Variants in MTUS1 observed in about 807,000 individuals in gnomAD.
MTUS1 encodes the protein microtubule associated scaffold protein 1.
In MTUS1, 109 loss-of-function variants were observed where a neutral mutation model predicts 120.8. The observed-to-expected ratio is 0.90, with a 90% CI of 0.77 to 1.06. The LOEUF (loss-of-function observed/expected upper bound fraction) is 1.06. Among genes scored for constraint, MTUS1 ranks in the 50% least tolerant of loss-of-function variants. The pLI is 0.00. For synonymous variants in MTUS1, 737 were observed against 550.5 expected, an observed-to-expected ratio of 1.34 and a Z score of -4.74; for missense variants, 2,210 against 1,486.3, an observed-to-expected ratio of 1.49 and a Z score of -8.01.
At chr8:17,700,085 G>C (rs1172085196) in intron 6 of MTUS1, among the ~76,000 whole-genome samples, 3 of 152,118 alleles carry the variant, frequency 2.0e-5, no homozygotes, top group Admixed American at 6.5e-5. Flanking sequence ...GGAAAAGATA[G>C]GCATCACCAA....
chr8:17,796,059 C>A (rs1319989395), intron 1 of MTUS1, among the ~76,000 whole-genome samples: 1 of 152,046 alleles, frequency 6.6e-6, no homozygotes, highest in African/African-American at 2.4e-5. Flanking sequence ...AAGGAATTCT[C>A]CTGCCTCAGC....
intron 1 of MTUS1, among the ~76,000 whole-genome samples, chr8:17,794,472 C>T (rs1447403177): frequency 5.3e-5 from 8 of 152,126 alleles, no homozygotes; most frequent in Admixed American, 4.6e-4. Context: ...TATGTGGGGC[C>T]TAGATTGGGG....
intron 6 of MTUS1, chr8:17,709,046 A>C (rs1005885740): frequency 1.3e-5 from 2 of 152,178 alleles, no homozygotes; most frequent in African/African-American, 4.8e-5. Context: ...CTAAGGCAGG[A>C]GAACGGCGTG....
intron 8 of MTUS1, among the ~76,000 whole-genome samples, chr8:17,671,373 G>A (rs1197305372): frequency 6.6e-6 from 1 of 151,518 alleles, no homozygotes; most frequent in Non-Finnish European, 1.5e-5. Flanking sequence ...ATAGGAAACA[G>A]AAAAGAATCC....
chr8:17,692,303 C>G (rs1370746282), intron 6 of MTUS1: 2 of 152,160 alleles, frequency 1.3e-5, no homozygotes, highest in Non-Finnish European at 2.9e-5. Context: ...GAAGCTTAAG[C>G]GACCTGGCAC....
At position 17,756,543 on chromosome 8, in the gene MTUS1, G is replaced by GA. The variant is rs1226406628; in HGVS notation, c.-154-583_-154-582insT. On this transcript the variant is annotated intron_variant, in intron 1 of 14. Transcript: ENST00000693296. ...ACATATGCTATTTCCAAATTGAAGG[G>GA]GAAAAAAAAATTGTCGATTCTTAAA... Among the ~76,000 whole-genome samples, 92 of 150,590 alleles carry GA rather than the reference G, an allele frequency of 6.1e-4. 1 individual carries two copies. Among genetic ancestry groups the GA allele is most frequent in the African/African-American group, 1.9e-3 (79 of 41,106 alleles).
At chr8:17,710,438 A>T (rs1821062808) in intron 6 of MTUS1, among the ~76,000 whole-genome samples, 1 of 152,224 alleles carries the variant, frequency 6.6e-6, no homozygotes, top group African/African-American at 2.4e-5. Context: ...GCTTATTCAT[A>T]AGAAGCAACT....
chr8:17,731,128 G>C, intron 3 of MTUS1, among the ~76,000 whole-genome samples: 1 of 152,160 alleles, frequency 6.6e-6, no homozygotes, highest in Non-Finnish European at 1.5e-5. Context: ...TAAAAATTCA[G>C]GATAGGATAG....
intron 8 of MTUS1, among the ~76,000 whole-genome samples, chr8:17,662,451 G>A (rs1250375159): frequency 2.0e-5 from 3 of 148,700 alleles, no homozygotes; most frequent in East Asian, 2.0e-4. Context: ...CACCTCCCGG[G>A]TTCATGCGAT....
chr8:17,761,620 CT>C (rs1406724022), intron 1 of MTUS1, among the ~76,000 whole-genome samples: 1 of 152,022 alleles, frequency 6.6e-6, no homozygotes, highest in Admixed American at 6.6e-5. Flanking sequence ...TAATTTGGAC[CT>C]AATATAGTTA....
chr8:17,680,464 CAAAAAAAAAAAAAAAAA>C (rs58490523), intron 7 of MTUS1, among the ~76,000 whole-genome samples: 9 of 24,322 alleles, frequency 3.7e-4, no homozygotes, highest in South Asian at 2.6e-3. Context: ...GCCACTGTCG[CAAAAAAAAAAAAAAAAA>C]AAAAAAAAAA....
chr8:17,751,862 TAAAAA>T (rs56362055), intron 2 of MTUS1, among the ~76,000 whole-genome samples: 2,568 of 96,482 alleles, frequency 0.027, 39 homozygotes, highest in South Asian at 0.069. Flanking sequence ...GACTCTGCCT[TAAAAA>T]AAAAAAAAAA....
intron 8 of MTUS1, among the ~76,000 whole-genome samples, chr8:17,669,622 G>A (rs1811604247): frequency 6.6e-6 from 1 of 152,130 alleles, no homozygotes; most frequent in Non-Finnish European, 1.5e-5. Flanking sequence ...GCAGCAGGTG[G>A]ATCACCTGAG....
intron 3 of MTUS1, among the ~76,000 whole-genome samples, chr8:17,730,862 G>C (rs936407867): frequency 2.6e-5 from 4 of 152,130 alleles, no homozygotes; most frequent in African/African-American, 9.7e-5. Context: ...AGGATTTCAG[G>C]GGGGAAAACA....
At chr8:17,727,955 T>A (rs982495315) in intron 3 of MTUS1, among the ~76,000 whole-genome samples, 2 of 152,214 alleles carry the variant, frequency 1.3e-5, no homozygotes, top group Non-Finnish European at 2.9e-5. Context: ...TCAACCAATT[T>A]ACTAAAATAC....
intron 6 of MTUS1, among the ~76,000 whole-genome samples, chr8:17,695,985 A>G (rs12677496): frequency 0.11 from 17,017 of 152,162 alleles, 1,129 homozygotes; most frequent in East Asian, 0.31. Context: ...AGCGTGGATT[A>G]CAGTATTTTT....
At chr8:17,767,196 A>T (rs1225972830) in intron 1 of MTUS1, among the ~76,000 whole-genome samples, 1 of 145,850 alleles carries the variant, frequency 6.9e-6, no homozygotes, top group African/African-American at 2.6e-5. Flanking sequence ...GGTAAAAAAA[A>T]AAAAAAAAAA....
intron 1 of MTUS1, among the ~76,000 whole-genome samples, chr8:17,762,700 A>C (rs941328339): frequency 6.6e-6 from 1 of 152,218 alleles, no homozygotes; most frequent in African/African-American, 2.4e-5. Context: ...ATAATTTAGA[A>C]AACAAGTATA....
chr8:17,740,416 G>A (rs992610980), intron 3 of MTUS1, among the ~76,000 whole-genome samples: 7 of 152,198 alleles, frequency 4.6e-5, no homozygotes, highest in African/African-American at 1.7e-4. Flanking sequence ...GTAACTGTGA[G>A]TCAGTATGGT....
Sources: allele counts gnomAD v4.1 joint callset (sites outside exome capture counted in the v4.1 genomes callset), GRCh38; gene constraint gnomAD v4.1.1; transcripts MANE v1.5; gene names NCBI Gene and HGNC (gene_info 2026-07-23, HGNC 2026-07-21).